RSF1: variants seen among roughly 807,000 people sequenced by gnomAD.
RSF1 encodes the protein HBV pX-associated protein 8.
RSF1 carries 13 observed loss-of-function variants against 145.2 expected under a neutral mutation model. That is an observed-to-expected ratio of 0.09 (90% confidence interval 0.06 to 0.14). RSF1 has a LOEUF of 0.14. Ranked by LOEUF, RSF1 falls within the 10% of genes least tolerant of loss-of-function variation. The pLI is 1.00. For synonymous variants in RSF1, 577 were observed against 592.6 expected (o/e 0.97, Z 0.38); for missense variants, 1,517 against 1,718.2 (o/e 0.88, Z 2.07).
rs539135540 is a variant in RSF1 at position 77,663,195 on chromosome 11, T to G, written c.*3722A>C. 12 of 152,272 alleles carry G rather than the reference T, an allele frequency of 7.9e-5. No homozygotes were observed. In the South Asian group the frequency reaches 2.5e-3, roughly 32 times the overall value. The allele number at this position is 152,272 out of a possible 1,614,324, so 9.4% of individuals were successfully genotyped here. On this transcript the variant is annotated 3_prime_UTR_variant, in exon 16 of 16. Transcript: ENST00000308488. ...GTAGATTCATTAGGTTCTTTACAGT[T>G]GTGTGGTAGAATCAGCAAAGGGTTA...
chr11:77,734,434 C>A (rs193125913), intron 4 of RSF1: 4 of 1,408,188 alleles, frequency 2.8e-6, no homozygotes, highest in Non-Finnish European at 4.0e-6. Flanking sequence ...CCTTGGTGAC[C>A]AGGGAAGTCA....
At chr11:77,674,511 C>T (rs748505521) in intron 14 of RSF1, among the ~76,000 whole-genome samples, 1 of 152,076 alleles carries the variant, frequency 6.6e-6, no homozygotes, top group Non-Finnish European at 1.5e-5. Flanking sequence ...TCCAAGAAAC[C>T]CTATGAAGAT....
chr11:77,772,096 C>A (rs1181130153), intron 1 of RSF1, among the ~76,000 whole-genome samples: 1 of 152,134 alleles, frequency 6.6e-6, no homozygotes, highest in Non-Finnish European at 1.5e-5. Context: ...TTAATCACAT[C>A]CATATTTCAG....
chr11:77,674,625 G>A (rs560800412), intron 14 of RSF1, among the ~76,000 whole-genome samples: 1 of 152,364 alleles, frequency 6.6e-6, no homozygotes, highest in South Asian at 2.1e-4. Flanking sequence ...TTTCTCAGAT[G>A]TGCTTTCTAT....
chr11:77,754,341 C>A (rs1166814589), intron 2 of RSF1, among the ~76,000 whole-genome samples: 2 of 152,138 alleles, frequency 1.3e-5, no homozygotes, highest in Non-Finnish European at 2.9e-5. Flanking sequence ...GTGACTCATG[C>A]CTGTAATCCC....
At chr11:77,768,118 T>G (rs1310462829) in intron 1 of RSF1, among the ~76,000 whole-genome samples, 2 of 151,880 alleles carry the variant, frequency 1.3e-5, no homozygotes, top group South Asian at 2.1e-4. Context: ...TAATATATTT[T>G]ATTTAATGCC....
the RSF1 span, among the ~76,000 whole-genome samples, chr11:77,826,981 C>T: frequency 9.9e-5 from 15 of 151,896 alleles, no homozygotes; most frequent in Non-Finnish European, 1.5e-4. Flanking sequence ...GGCACACACC[C>T]GTCGTCCCTG....
At chr11:77,787,926 T>C (rs1021384831) in intron 1 of RSF1, among the ~76,000 whole-genome samples, 1 of 151,086 alleles carries the variant, frequency 6.6e-6, no homozygotes, top group African/African-American at 2.4e-5. Flanking sequence ...TCCAGGAGTT[T>C]GAGACGAGTC....
At chr11:77,698,844 G>T in intron 6 of RSF1, 151 bp from the exon 7 acceptor site, 4 of 653,214 alleles carry the variant, frequency 6.1e-6, no homozygotes, top group East Asian at 2.8e-5. Flanking sequence ...ATATAGCTAT[G>T]GTTAAATTTT....
chr11:77,690,587 A>G (rs1960127655), intron 9 of RSF1, among the ~76,000 whole-genome samples: 1 of 152,170 alleles, frequency 6.6e-6, no homozygotes. Context: ...GTGCGACACC[A>G]TGCCCAGCTG....
chr11:77,869,552 A>AG, the RSF1 span: 1 of 558,664 alleles, frequency 1.8e-6, no homozygotes, highest in Middle Eastern at 3.2e-4. Context: ...CCTAGGTTCA[A>AG]GGGATCCTGC....
In RSF1 at chr11:77,701,846, C is replaced by T; in HGVS notation, c.1383G>A (p.Glu461=). 1.2e-6 allele frequency: 2 copies of T among 1,614,068 alleles called. No homozygotes were observed. Among genetic ancestry groups the T allele is most frequent in the Non-Finnish European group, 1.7e-6 (2 of 1,179,998 alleles). ...CTTCCTTTGTCTCATAAAACTTTGT[C>T]TCTATTGGTTCTGTCTTAAAATTTG... The part of the protein sequence containing the change: ...VAPNFKTEPI[E]TKFYETKEES... The change falls in exon 6 of 16, where the codon GAG becomes GAA. Residue 461 remains glutamate, a synonymous_variant. Transcript: ENST00000308488.
chr11:77,736,585 TGA>T (rs1182250138), intron 4 of RSF1, among the ~76,000 whole-genome samples: 3 of 152,174 alleles, frequency 2.0e-5, no homozygotes, highest in African/African-American at 7.2e-5. Context: ...TTTGCAACAA[TGA>T]GAGACCTATG....
intron 5 of RSF1, among the ~76,000 whole-genome samples, chr11:77,724,199 G>A (rs1961000412): frequency 6.6e-6 from 1 of 152,188 alleles, no homozygotes; most frequent in African/African-American, 2.4e-5. Flanking sequence ...ATTACAATGA[G>A]ATGCTGTTAT....
chr11:77,699,284 T>C (rs1233881378), intron 6 of RSF1, among the ~76,000 whole-genome samples: 1 of 152,196 alleles, frequency 6.6e-6, no homozygotes, highest in African/African-American at 2.4e-5. Flanking sequence ...TAAAAATATA[T>C]ACATTCAGAG....
At chr11:77,846,724 T>A in the RSF1 span, among the ~76,000 whole-genome samples, 1 of 152,168 alleles carries the variant, frequency 6.6e-6, no homozygotes, top group Non-Finnish European at 1.5e-5. Context: ...GAAATTAGTA[T>A]CCTTTAGAAG....
intron 1 of RSF1, among the ~76,000 whole-genome samples, chr11:77,780,823 T>TTAA: frequency 4.0e-5 from 1 of 25,258 alleles, no homozygotes; most frequent in African/African-American, 1.3e-4. Flanking sequence ...AGACTCCGTC[T>TTAA]CAAAAAAAAA....
rs1021846361 is a variant in RSF1 at position 77,685,238 on chromosome 11, T to G, written c.2901-79A>C. ...ATGTAAACATCACGAATACACATAATGTTAAAATTACAATTTCACGTTAAC... is the reference window on the plus strand; with the variant it reads ...ATGTAAACATCACGAATACACATAAGGTTAAAATTACAATTTCACGTTAAC... On this transcript the variant is annotated intron_variant, in intron 9 of 15. Transcript: ENST00000308488. 6.5e-5 allele frequency: 49 copies of G among 754,894 alleles called. No individual in the cohort carries two copies. The African/African-American group carries it at 8.8e-4, about 14-fold the overall frequency. The allele number at this position is 754,894 out of a possible 1,614,324, so 46.8% of individuals were successfully genotyped here.
At chr11:77,868,166 C>T in the RSF1 span, among the ~76,000 whole-genome samples, 17 of 151,318 alleles carry the variant, frequency 1.1e-4, no homozygotes, top group African/African-American at 4.1e-4. Context: ...CGCCATTCTC[C>T]TGCCTCAGCC....
Sources: gnomAD v4.1 joint callset for allele counts (sites outside exome capture counted in the v4.1 genomes callset) on GRCh38, gnomAD v4.1.1 for gene constraint, MANE v1.5 for transcripts, NCBI Gene and HGNC (gene_info 2026-07-23, HGNC 2026-07-21) for gene names.